The following CEMIP2 variants were observed in gnomAD, a reference collection of about 807,000 sequenced individuals.
The protein encoded by CEMIP2 is cell migration inducing hyaluronidase 2.
Under a neutral mutation model 146.9 loss-of-function variants are expected in CEMIP2, and 79 were observed. That is an observed-to-expected ratio of 0.54 (90% CI 0.45 to 0.65). CEMIP2 has a LOEUF of 0.65. Ranked by LOEUF, CEMIP2 falls within the 30% of genes least tolerant of loss-of-function variation. The pLI is 0.00. For missense variants in CEMIP2, 1,596 were observed against 1,696.2 expected, an observed-to-expected ratio of 0.94 and a Z score of 1.04; for synonymous variants, 601 against 606.3, an observed-to-expected ratio of 0.99 and a Z score of 0.13.
intron 4 of CEMIP2, among the ~76,000 whole-genome samples, chr9:71,744,697 C>G (rs146394725): frequency 6.6e-6 from 1 of 152,158 alleles, no homozygotes; most frequent in African/African-American, 2.4e-5. Context: ...CAGAAGGTAA[C>G]GAAAGGAAGA....
chr9:71,728,282 TATATATATATATATATATAC>T (rs1394530734), intron 10 of CEMIP2, among the ~76,000 whole-genome samples: 1 of 10,112 alleles, frequency 9.9e-5, no homozygotes, highest in African/African-American at 2.0e-4. Flanking sequence ...TATATATATG[TATATATATATATATATATAC>T]ATATATATAT....
chr9:71,692,336 ATCTC>A (rs151025508), intron 21 of CEMIP2, among the ~76,000 whole-genome samples: 14 of 44,238 alleles, frequency 3.2e-4, no homozygotes, highest in Non-Finnish European at 4.4e-4. Context: ...CGCTCTCCCC[ATCTC>A]TCTCTCTCTC....
intron 21 of CEMIP2, among the ~76,000 whole-genome samples, chr9:71,690,836 G>A (rs570249927): frequency 5.9e-5 from 9 of 152,272 alleles, no homozygotes; most frequent in Non-Finnish European, 1.3e-4. Flanking sequence ...ACTATTGTGA[G>A]CTAAATTTTC....
chr9:71,767,943 T>C (rs545163043), intron 1 of CEMIP2, among the ~76,000 whole-genome samples: 2 of 152,228 alleles, frequency 1.3e-5, no homozygotes, highest in Admixed American at 1.3e-4. Flanking sequence ...TTCACTGTAA[T>C]CGGCTTACTG....
rs910470384 is a variant in CEMIP2, at chr9:71,684,503, T to C, written c.*694A>G. ...AATGGTCCCAACAGCCTCAGACTTT[T>C]GCTGCAGGAAAATTTTTTGCCCAAT... On this transcript the variant is annotated 3_prime_UTR_variant, in exon 24 of 24. Transcript: ENST00000377044. 5 of 152,666 alleles carry C rather than the reference T, an allele frequency of 3.3e-5. No individual in the cohort carries two copies. The highest frequency in any genetic ancestry group is 1.3e-4 in the Admixed American group (2 of 15,280). 9.5% of individuals were successfully genotyped at this position (152,666 alleles called of 1,614,324 possible). A position where few individuals can be genotyped will look rare whatever the true frequency, so the allele number is the denominator to read the frequency against.
At chr9:71,702,278 A>AAAAC (rs1554681413) in intron 18 of CEMIP2, among the ~76,000 whole-genome samples, 1 of 144,798 alleles carries the variant, frequency 6.9e-6, no homozygotes. Flanking sequence ...AAAAAAAAAA[A>AAAAC]AATATTGTTC....
At chr9:71,758,126 T>A (rs973000930) in intron 1 of CEMIP2, among the ~76,000 whole-genome samples, 2 of 152,176 alleles carry the variant, frequency 1.3e-5, no homozygotes, top group Admixed American at 6.5e-5. Flanking sequence ...TGCAAAGAAT[T>A]CAACATAAAT....
chr9:71,704,544 A>G, intron 18 of CEMIP2, 51 bp downstream of exon 18: 1 of 1,594,994 alleles, frequency 6.3e-7, no homozygotes, highest in Non-Finnish European at 8.6e-7. Context: ...CTTTTTCTCC[A>G]CTAAATTACT....
intron 2 of CEMIP2, among the ~76,000 whole-genome samples, chr9:71,749,778 C>T (rs927453207): frequency 1.2e-4 from 18 of 152,098 alleles, no homozygotes; most frequent in African/African-American, 4.3e-4. Context: ...AGTGAAGGCC[C>T]TCAAAGCATT....
At chr9:71,687,658 A>C (rs747922219) in intron 22 of CEMIP2, among the ~76,000 whole-genome samples, 1 of 152,116 alleles carries the variant, frequency 6.6e-6, no homozygotes, top group Non-Finnish European at 1.5e-5. Context: ...GCAAAACTCC[A>C]TCTCCACAAA....
chr9:71,762,054 G>A (rs1824651904), intron 1 of CEMIP2, among the ~76,000 whole-genome samples: 1 of 151,288 alleles, frequency 6.6e-6, no homozygotes, highest in Non-Finnish European at 1.5e-5. Flanking sequence ...GGAGGGGAGG[G>A]TGACACACTA....
rs751480334 is a variant in CEMIP2 at position 71,730,879 on chromosome 9, A to G, written c.1599T>C (p.Tyr533=). The change falls in exon 8 of 24, where the codon TAT becomes TAC. Residue 533 remains tyrosine (Y), a synonymous_variant. Transcript: ENST00000377044. Reference sequence around the variant, plus strand: ...GCTGACCCATGTGTTTCAATTCCACATAAGAAAGATGGACTGAAGTAAAAT... The same window carrying G: ...GCTGACCCATGTGTTTCAATTCCACGTAAGAAAGATGGACTGAAGTAAAAT... ...MKNFTSVHLS[Y]VELKHMGQQQ... is the part of the protein sequence containing the mutation. The G allele has an allele frequency of 1.9e-6, 3 of 1,614,236 alleles. No individual in the cohort carries two copies. The highest frequency in any genetic ancestry group is 3.3e-5 in the Admixed American group (2 of 60,024).
chr9:71,698,188 G>C lies in CEMIP2; in HGVS notation c.3394C>G (p.Leu1132Val). The change falls in exon 20 of 24, where the codon CTC becomes GTC. Residue 1132 changes from leucine to valine, a missense_variant. Transcript: ENST00000377044. Reference protein sequence around the residue: ...DSSTGLLFLYLKAKSHRHGHS... With the variant: ...DSSTGLLFLYVKAKSHRHGHS... ...CCATGCCTGTGGCTTTTGGCTTTGA[G>C]ATACAAAAACAGTAACCTGCACAAA... is the stretch of plus-strand genomic sequence containing the variant. 3 of 1,614,110 alleles carry C rather than the reference G, an allele frequency of 1.9e-6. No individual in the cohort carries two copies. The East Asian group carries it at 6.7e-5, about 36-fold the overall frequency.
chr9:71,689,164 T>C (rs1299920877), intron 22 of CEMIP2, among the ~76,000 whole-genome samples: 2 of 152,188 alleles, frequency 1.3e-5, no homozygotes, highest in African/African-American at 4.8e-5. Context: ...AAATTGAGGC[T>C]GTACAAGTGT....
At chr9:71,733,963 C>G (rs527429426) in intron 6 of CEMIP2, among the ~76,000 whole-genome samples, 122 of 152,268 alleles carry the variant, frequency 8.0e-4, no homozygotes, top group Non-Finnish European at 1.4e-3. Context: ...CCTGCCTCAG[C>G]CTCCCTAGCA....
rs1172425021 is a variant in CEMIP2 at position 71,715,032 on chromosome 9, A to G, written c.2493T>C (p.Phe831=). ...GSSQEVSESL[F]VGESRNYGFQ... Reference sequence around the variant, plus strand: ...AGCCGTAATTCCTGCTCTCCCCAACAAAGAGAGATTCAGATACCTCTTGGC... The same window carrying G: ...AGCCGTAATTCCTGCTCTCCCCAACGAAGAGAGATTCAGATACCTCTTGGC... The change falls in exon 15 of 24, where the codon TTT becomes TTC. Residue 831 remains phenylalanine (F), a synonymous_variant. Coordinates refer to ENST00000377044, the MANE Select transcript of CEMIP2 (RefSeq NM_013390.3). The G allele has an allele frequency of 3.1e-6, 5 of 1,613,968 alleles. No homozygotes were observed. The East Asian group carries it at 8.9e-5, about 29-fold the overall frequency.
At chr9:71,690,021 G>A in intron 22 of CEMIP2, 71 bp downstream of exon 22, 1 of 1,561,656 alleles carries the variant, frequency 6.4e-7, no homozygotes, top group Non-Finnish European at 8.7e-7. Context: ...GACTTGACCA[G>A]GCATTATCAG....
Position 71,690,129 on chromosome 9 carries a change from G to A in CEMIP2, c.3814C>T (p.Arg1272Cys), listed in dbSNP as rs377453592. 15 of 1,614,104 alleles carry A rather than the reference G, an allele frequency of 9.3e-6. No homozygotes were observed. The highest frequency in any genetic ancestry group is 6.7e-5 in the Admixed American group (4 of 60,026). The change falls in exon 22 of 24, where the codon CGC (arginine) becomes TGC (cysteine). Residue 1272 changes from arginine (R) to cysteine (C), a missense_variant. Coordinates refer to ENST00000377044, the MANE Select transcript of CEMIP2 (RefSeq NM_013390.3). ...CCTGTTTTTAAATACTCTTCAATGCGACTGACATCAGCAAGAGGAAAAACC... is the reference window on the plus strand; with the variant it reads ...CCTGTTTTTAAATACTCTTCAATGCAACTGACATCAGCAAGAGGAAAAACC... ...KTVFPLADVS[R>C]IEEYLKTGIP...
intron 17 of CEMIP2, 53 bp downstream of exon 17, chr9:71,709,206 A>C: frequency 2.6e-6 from 4 of 1,533,244 alleles, no homozygotes; most frequent in Admixed American, 1.7e-5. Context: ...TCACAGAAGC[A>C]GTGCTGGCAG....
Sources: gnomAD v4.1 joint callset for allele counts (sites outside exome capture counted in the v4.1 genomes callset) on GRCh38, gnomAD v4.1.1 for gene constraint, MANE v1.5 for transcripts, NCBI Gene and HGNC (gene_info 2026-07-23, HGNC 2026-07-21) for gene names.